CIITA: variants seen among roughly 807,000 people sequenced by gnomAD.
CIITA encodes the protein class II major histocompatibility complex transactivator.
CIITA carries 72 observed loss-of-function variants against 115.1 expected under a neutral mutation model. The ratio of observed to expected loss-of-function variants is 0.63; its 90% CI spans 0.52 to 0.76. CIITA has a LOEUF of 0.76. Among genes scored for constraint, CIITA ranks in the 30% least tolerant of loss-of-function variants. The pLI is 0.00. For missense variants in CIITA, 1,617 were observed against 1,463.8 expected, an observed-to-expected ratio of 1.10 and a Z score of -1.71; for synonymous variants, 763 against 635.6, an observed-to-expected ratio of 1.20 and a Z score of -3.02.
In CIITA at chr16:10,929,549, G is replaced by T. The variant is rs60453756; in HGVS notation, c.*5694G>T. 2,508 of 985,460 alleles carry T rather than the reference G, an allele frequency of 2.5e-3. 22 individuals are homozygous for T. The highest frequency in any genetic ancestry group is 0.025 in the African/African-American group (1,451 of 57,326). 61.0% of individuals were successfully genotyped at this position (985,460 alleles called of 1,614,324 possible). A position where few individuals can be genotyped will look rare whatever the true frequency, so the allele number is the denominator to read the frequency against. On this transcript the variant is annotated 3_prime_UTR_variant, in exon 20 of 20. Transcript: ENST00000324288. This position sits in a 1 kb window ranked among gnomAD's most constrained non-coding sequence, Gnocchi z 4.3. ...CTCTCTGTTGGCACGAAGCTTTTGA[G>T]GGGAGCAGGTCTAACAAGAAGGAAA... is the stretch of plus-strand genomic sequence containing the variant.
upstream of CIITA, among the ~76,000 whole-genome samples, chr16:10,873,120 G>GCAC (rs1448762016): frequency 2.0e-5 from 3 of 152,148 alleles, no homozygotes; most frequent in Non-Finnish European, 4.4e-5. Context: ...CTACAGGCAT[G>GCAC]CACCACTATG....
Position 10,907,894 on chromosome 16 carries a change from T to C in CIITA, c.2402T>C (p.Leu801Pro). Reference sequence around the variant, plus strand: ...CTGAAGCGGCTGCAGCCGGGGACACTGCGGGCGCGGCAGCTGCTGGAGCTG... The same window carrying C: ...CTGAAGCGGCTGCAGCCGGGGACACCGCGGGCGCGGCAGCTGCTGGAGCTG... Reference protein sequence around the residue: ...RYLKRLQPGTLRARQLLELLH... With the variant: ...RYLKRLQPGTPRARQLLELLH... Residue 801 changes from leucine to proline, a missense_variant, in exon 11 of 20, where the codon CTG becomes CCG. Leu to Pro is a moderately conservative substitution (Grantham distance 98, BLOSUM62 -3). Transcript: ENST00000324288. The surrounding 1 kb of genome is among the most constrained non-coding windows in gnomAD (Gnocchi z 5.0). The C allele has an allele frequency of 4.4e-6, 7 of 1,590,552 alleles. No individual in the cohort carries two copies. The highest frequency in any genetic ancestry group is 6.0e-6 in the Non-Finnish European group (7 of 1,168,356).
rs993564844 is a variant in CIITA, at chr16:10,936,083, C to G, written c.*12228C>G. 9 of 151,982 alleles carry G rather than the reference C, an allele frequency of 5.9e-5. No individual in the cohort carries two copies. Among genetic ancestry groups the G allele is most frequent in the African/African-American group, 2.2e-4 (9 of 41,356 alleles). The allele number at this position is 151,982 out of a possible 1,614,324, so 9.4% of individuals were successfully genotyped here. The stretch of plus-strand genomic sequence containing the variant: ...ATAACTCACTGCAGCCTTGAACTCC[C>G]GGACTCAAGCAATCCTCCTGCCTGA... On this transcript the variant is annotated 3_prime_UTR_variant, in exon 20 of 20. Coordinates refer to ENST00000324288, the MANE Select transcript of CIITA (RefSeq NM_000246.4).
At chr16:10,887,569 C>T (rs2037086347) in intron 1 of CIITA, among the ~76,000 whole-genome samples, 1 of 151,508 alleles carries the variant, frequency 6.6e-6, no homozygotes, top group East Asian at 1.9e-4. Flanking sequence ...GATCTCGGCT[C>T]ACTGCAACCT....
chr16:10,901,474 T>C lies in CIITA; in HGVS notation c.437-40T>C, dbSNP rs765700885. 29 of 1,612,782 alleles carry C rather than the reference T, an allele frequency of 1.8e-5. No homozygotes were observed. The highest frequency in any genetic ancestry group is 2.7e-5 in the African/African-American group (2 of 74,878). ...CCTGAGCCCCTTCTGGCTTGGGACA[T>C]CCTCTCCCTGGGGCAGCTGATCACA... On this transcript the variant is annotated intron_variant, in intron 5 of 19. Transcript: ENST00000324288. The surrounding 1 kb of genome is among the most constrained non-coding windows in gnomAD (Gnocchi z 6.8).
At chr16:10,893,728 G>C (rs147949428) in intron 1 of CIITA, among the ~76,000 whole-genome samples, 1 of 143,676 alleles carries the variant, frequency 7.0e-6, no homozygotes, top group Non-Finnish European at 1.5e-5. Flanking sequence ...AGAATGGCTT[G>C]AACCTGGGAG....
chr16:10,908,336 C>A, intron 11 of CIITA, 187 bp downstream of exon 11: 1 of 742,176 alleles, frequency 1.3e-6, no homozygotes, highest in Non-Finnish European at 2.4e-6. Context: ...TGCCACACAG[C>A]AAGTGAGAGG....
intron 10 of CIITA, 137 bp downstream of exon 10, chr16:10,904,949 A>G: frequency 1.2e-6 from 1 of 867,994 alleles, no homozygotes; most frequent in African/African-American, 1.7e-5. Context: ...TCATTCATTC[A>G]TTCATTCACT....
At chr16:10,900,700 AG>A (rs1238915914) in intron 5 of CIITA, among the ~76,000 whole-genome samples, 1 of 152,002 alleles carries the variant, frequency 6.6e-6, no homozygotes, top group Non-Finnish European at 1.5e-5. Flanking sequence ...AGATTGCGCC[AG>A]TGCACTCCAG....
At chr16:10,901,000 G>A (rs2038688696) in intron 5 of CIITA, among the ~76,000 whole-genome samples, 1 of 151,974 alleles carries the variant, frequency 6.6e-6, no homozygotes, top group Non-Finnish European at 1.5e-5. Context: ...TTCTTTTAAG[G>A]CCATGCAGTG....
At chr16:10,896,355 G>C (rs2038121205) in intron 3 of CIITA, among the ~76,000 whole-genome samples, 1 of 152,212 alleles carries the variant, frequency 6.6e-6, no homozygotes, top group African/African-American at 2.4e-5. Flanking sequence ...TCGTTTCAAA[G>C]TCTCCATTTT....
chr16:10,874,203 C>T (rs148188099), upstream of CIITA, among the ~76,000 whole-genome samples: 1 of 152,040 alleles, frequency 6.6e-6, no homozygotes, highest in Non-Finnish European at 1.5e-5. Context: ...AGGCTGGTTT[C>T]GAATTCCTGA....
At chr16:10,877,534 G>A in intron 1 of CIITA, 152 bp downstream of exon 1, 3 of 870,820 alleles carry the variant, frequency 3.4e-6, no homozygotes, top group South Asian at 1.4e-5. Flanking sequence ...TGGAAGATGT[G>A]AAAGAGTTGT....
chr16:10,936,302 A>G lies in CIITA; in HGVS notation c.*12447A>G, dbSNP rs1194703226. 6.6e-6 allele frequency: 1 copy of G among 152,170 alleles called. No individual in the cohort carries two copies. Among genetic ancestry groups the G allele is most frequent in the Non-Finnish European group, 1.5e-5 (1 of 68,044 alleles). The allele number at this position is 152,170 out of a possible 1,614,324, so 9.4% of individuals were successfully genotyped here. A position where few individuals can be genotyped will look rare whatever the true frequency, so the allele number is the denominator to read the frequency against. Reference sequence around the variant, plus strand: ...TGGTCATAGGATTGTATAGTGTATCAATATTAGATTTGCTGATTTTGACAA... The same window carrying G: ...TGGTCATAGGATTGTATAGTGTATCGATATTAGATTTGCTGATTTTGACAA... On this transcript the variant is annotated 3_prime_UTR_variant, in exon 20 of 20. Coordinates refer to ENST00000324288, the MANE Select transcript of CIITA (RefSeq NM_000246.4).
chr16:10,938,242 A>G (rs951546827), downstream of CIITA: 18 of 152,114 alleles, frequency 1.2e-4, no homozygotes, highest in African/African-American at 4.1e-4. The surrounding 1 kb of genome is among the most constrained non-coding windows in gnomAD (Gnocchi z 4.9). Context: ...CAGCATGCCC[A>G]AGGTCACAGC....
At chr16:10,889,366 T>C (rs1429791933) in intron 1 of CIITA, among the ~76,000 whole-genome samples, 2 of 152,180 alleles carry the variant, frequency 1.3e-5, no homozygotes, top group Admixed American at 1.3e-4. Context: ...TGTGGCGTTG[T>C]GGGGAAACCT....
chr16:10,884,726 A>C (rs973653659), intron 1 of CIITA, among the ~76,000 whole-genome samples: 11 of 152,038 alleles, frequency 7.2e-5, no homozygotes, highest in African/African-American at 2.4e-4. Flanking sequence ...TTACCTCTTA[A>C]TCACCTTTCC....
intron 3 of CIITA, among the ~76,000 whole-genome samples, chr16:10,897,204 A>G (rs184690952): frequency 5.4e-4 from 83 of 152,332 alleles, no homozygotes; most frequent in African/African-American, 1.9e-3. Flanking sequence ...TGAGAAGTCC[A>G]AGGTTAGGGG....
At chr16:10,904,698 G>A (rs1478716213) in intron 9 of CIITA, 46 bp from the exon 10 acceptor site, 4 of 1,606,992 alleles carry the variant, frequency 2.5e-6, no homozygotes, top group Non-Finnish European at 2.6e-6. Flanking sequence ...GGGGTCCCCA[G>A]GGGTAACCCT....
Sources: gnomAD v4.1 joint callset for allele counts (sites outside exome capture counted in the v4.1 genomes callset) on GRCh38, gnomAD v4.1.1 for gene constraint, Gnocchi (gnomAD v3.1) non-coding constraint, MANE v1.5 for transcripts, NCBI Gene and HGNC (gene_info 2026-07-23, HGNC 2026-07-21) for gene names.